CLASP2: variants seen among roughly 807,000 people sequenced by gnomAD.
The protein encoded by CLASP2 is CLIP-associating protein 2.
In CLASP2, 47 loss-of-function variants were observed where a neutral mutation model predicts 194.4. That is an observed-to-expected ratio of 0.24 (90% CI 0.19 to 0.31). CLASP2 has a LOEUF of 0.31. CLASP2 is among the 10% of genes least tolerant of loss of function. CLASP2 has a pLI of 1.00. For synonymous variants in CLASP2, 619 were observed against 633.5 expected, an observed-to-expected ratio of 0.98 and a Z score of 0.34; for missense variants, 1,445 against 1,823.6, an observed-to-expected ratio of 0.79 and a Z score of 3.78.
chr3:33,499,597 C>T (rs2046374012), intron 38 of CLASP2, among the ~76,000 whole-genome samples: 2 of 152,158 alleles, frequency 1.3e-5, no homozygotes, highest in African/African-American at 2.4e-5. Flanking sequence ...GATCCACCCA[C>T]CTCGGCATCC....
chr3:33,648,897 G>C (rs2082710439), intron 7 of CLASP2, among the ~76,000 whole-genome samples: 1 of 152,176 alleles, frequency 6.6e-6, no homozygotes, highest in Non-Finnish European at 1.5e-5. Flanking sequence ...TCTTCCTGCT[G>C]CTTACCTCAT....
intron 30 of CLASP2, among the ~76,000 whole-genome samples, chr3:33,549,741 T>C (rs1405738398): frequency 2.9e-5 from 4 of 139,856 alleles, no homozygotes; most frequent in South Asian, 4.5e-4. Flanking sequence ...GTACTTTTTT[T>C]CTTTTTTTTT....
In CLASP2 at chr3:33,557,525, C is replaced by T. The variant is rs75195316; in HGVS notation, c.3009+1782G>A. On this transcript the variant is annotated intron_variant, in intron 29 of 38. Transcript: ENST00000682230. Reference sequence around the variant, plus strand: ...TAGCTAGGACTATAGGCATGAACTACCACACCTAGTTAACTCCACATACAT... The same window carrying T: ...TAGCTAGGACTATAGGCATGAACTATCACACCTAGTTAACTCCACATACAT... 2.1e-3 allele frequency among the ~76,000 whole-genome samples: 316 copies of T among 152,134 alleles called. 1 individual carries two copies. Among genetic ancestry groups the T allele is most frequent in the East Asian group, 0.012 (60 of 5,164 alleles).
intron 36 of CLASP2, 45 bp from the exon 37 acceptor site, chr3:33,510,809 T>G: frequency 6.8e-7 from 1 of 1,461,294 alleles, no homozygotes; most frequent in South Asian, 1.2e-5. Context: ...TTTTAAAATA[T>G]TACACTACAT....
At position 33,581,917 on chromosome 3, in the gene CLASP2, G is replaced by A; in HGVS notation, c.2251C>T (p.Arg751Cys). ...TGACTCACACTTGGTCGAGGAATACGACTGCTTCGGGCTGGTGTGAAGCAA... is the reference window on the plus strand; with the variant it reads ...TGACTCACACTTGGTCGAGGAATACAACTGCTTCGGGCTGGTGTGAAGCAA... ...PSRLSVARSS[R>C]IPRPSVSQGC... The change falls in exon 23 of 39, where the codon CGT becomes TGT. Residue 751 changes from arginine (R) to cysteine (C), a missense_variant. Around this residue, in one of 4 missense-constraint regions of CLASP2, gnomAD observed 732 missense variants for 987.9 expected, o/e 0.74. Transcript: ENST00000682230. 6 of 1,612,534 alleles carry A rather than the reference G, an allele frequency of 3.7e-6. No homozygotes were observed. Among genetic ancestry groups the A allele is most frequent in the East Asian group, 2.2e-5 (1 of 44,886 alleles).
chr3:33,528,943 G>C (rs553389565), intron 34 of CLASP2, among the ~76,000 whole-genome samples: 1 of 152,190 alleles, frequency 6.6e-6, no homozygotes, highest in Admixed American at 6.5e-5. Context: ...CAGCCCAAAA[G>C]CTCCTCAAGC....
At chr3:33,664,377 G>A (rs2085823138) in intron 6 of CLASP2, among the ~76,000 whole-genome samples, 1 of 152,072 alleles carries the variant, frequency 6.6e-6, no homozygotes, top group South Asian at 2.1e-4. Flanking sequence ...GAGGGTCACT[G>A]ACATATTGCC....
chr3:33,506,714 G>C (rs1298997496), intron 37 of CLASP2, among the ~76,000 whole-genome samples: 2 of 152,034 alleles, frequency 1.3e-5, no homozygotes, highest in Non-Finnish European at 1.5e-5. Context: ...TGGAAACCCA[G>C]TTGTCCTAGC....
At chr3:33,583,083 G>C (rs1240559398) in intron 22 of CLASP2, among the ~76,000 whole-genome samples, 2 of 152,184 alleles carry the variant, frequency 1.3e-5, no homozygotes, top group African/African-American at 4.8e-5. Context: ...AGAGGATCCA[G>C]GAGGGAGTGA....
At chr3:33,573,585 A>C (rs545103799) in intron 24 of CLASP2, 44 of 563,152 alleles carry the variant, frequency 7.8e-5, no homozygotes, top group Admixed American at 5.5e-4. Context: ...AAGCAGAGTA[A>C]GACTATATGG....
chr3:33,649,381 G>C (rs1468931567), intron 7 of CLASP2, among the ~76,000 whole-genome samples: 1 of 152,048 alleles, frequency 6.6e-6, no homozygotes, highest in East Asian at 1.9e-4. Context: ...AAAAACTTTT[G>C]TCAACTTTGC....
In CLASP2 at chr3:33,498,539, C is replaced by T. The variant is rs2046084319; in HGVS notation, c.*92G>A. ...TAAAACTGGGAAACAATAGTAAGTT[C>T]CAAAGGATGTGTTTGAGAACTTCCT... On this transcript the variant is annotated 3_prime_UTR_variant, in exon 39 of 39. Coordinates refer to ENST00000682230, the MANE Select transcript of CLASP2 (RefSeq NM_001365631.1). The T allele has an allele frequency of 7.5e-6, 6 of 795,018 alleles. No individual in the cohort carries two copies. The highest frequency in any genetic ancestry group is 1.3e-5 in the Non-Finnish European group (6 of 479,120). The allele number at this position is 795,018 out of a possible 1,614,324, so 49.2% of individuals were successfully genotyped here.
intron 36 of CLASP2, among the ~76,000 whole-genome samples, chr3:33,515,641 C>A (rs1483238886): frequency 6.6e-6 from 1 of 152,030 alleles, no homozygotes; most frequent in Admixed American, 6.6e-5. Flanking sequence ...AGAGTGAGAT[C>A]CTGATTCAAC....
At chr3:33,699,863 T>C (rs1291809509) in intron 1 of CLASP2, among the ~76,000 whole-genome samples, 2 of 147,078 alleles carry the variant, frequency 1.4e-5, no homozygotes, top group African/African-American at 2.5e-5. Flanking sequence ...CCACAGATTA[T>C]TGTACTACCA....
rs542021973 is a variant in CLASP2 at position 33,541,389 on chromosome 3, C to T, written c.3404+2044G>A. On this transcript the variant is annotated intron_variant, in intron 32 of 38. Coordinates refer to ENST00000682230, the MANE Select transcript of CLASP2 (RefSeq NM_001365631.1). Reference sequence around the variant, plus strand: ...TGTGCAGACTTGTTACATAGGCAAACGTGTGTCATGGGGGTTTGGTTGTAT... The same window carrying T: ...TGTGCAGACTTGTTACATAGGCAAATGTGTGTCATGGGGGTTTGGTTGTAT... 9.2e-5 allele frequency among the ~76,000 whole-genome samples: 14 copies of T among 152,170 alleles called. No homozygotes were observed. The South Asian group carries it at 2.5e-3, about 27-fold the overall frequency.
intron 23 of CLASP2, among the ~76,000 whole-genome samples, chr3:33,579,969 GCGCA>G: frequency 6.6e-6 from 1 of 152,114 alleles, no homozygotes; most frequent in Non-Finnish European, 1.5e-5. Context: ...ATATGTGCAT[GCGCA>G]TGCACATGCA....
At chr3:33,550,392 CAAAA>C (rs555351261) in intron 30 of CLASP2, among the ~76,000 whole-genome samples, 582 of 51,682 alleles carry the variant, frequency 0.011, 4 homozygotes, top group African/African-American at 0.036. Context: ...GAGACTGCCT[CAAAA>C]AAAAAAAAAA....
intron 36 of CLASP2, among the ~76,000 whole-genome samples, chr3:33,511,193 C>T (rs1011247021): frequency 2.0e-5 from 3 of 151,960 alleles, no homozygotes; most frequent in East Asian, 3.9e-4. Context: ...CCATCATGCC[C>T]GGCTAATTTT....
intron 6 of CLASP2, among the ~76,000 whole-genome samples, chr3:33,673,661 A>T (rs1228509062): frequency 6.6e-6 from 1 of 152,208 alleles, no homozygotes; most frequent in African/African-American, 2.4e-5. Context: ...CTGGATAAAG[A>T]CTCAAGACCC....
Sources: gnomAD v4.1 joint callset for allele counts (sites outside exome capture counted in the v4.1 genomes callset) on GRCh38, gnomAD v4.1.1 for gene constraint, gnomAD v4.1.1 regional missense constraint, MANE v1.5 for transcripts, NCBI Gene and HGNC (gene_info 2026-07-23, HGNC 2026-07-21) for gene names.